CPXM2: variants seen among roughly 807,000 people sequenced by gnomAD.
The protein encoded by CPXM2 is carboxypeptidase X, M14 family member 2.
CPXM2 carries 66 observed loss-of-function variants against 86.1 expected under a neutral mutation model. The ratio of observed to expected loss-of-function variants is 0.77; its 90% CI spans 0.63 to 0.94. CPXM2 has a LOEUF of 0.94. CPXM2 is among the 40% of genes least tolerant of loss of function. The pLI is 0.00. For synonymous variants in CPXM2, 388 were observed against 400.2 expected, an observed-to-expected ratio of 0.97 and a Z score of 0.36; for missense variants, 948 against 1,026.3, an observed-to-expected ratio of 0.92 and a Z score of 1.04.
chr10:123,830,890 G>C (rs1395728513), intron 4 of CPXM2, among the ~76,000 whole-genome samples: 58 of 151,788 alleles, frequency 3.8e-4, no homozygotes, highest in East Asian at 2.9e-3. Context: ...GTGTGTGTGT[G>C]TGTGTGTGTG....
chr10:123,869,301 T>A (rs532923152), intron 2 of CPXM2, among the ~76,000 whole-genome samples: 19 of 152,330 alleles, frequency 1.2e-4, no homozygotes, highest in South Asian at 8.3e-4. Context: ...CAGTGACTCT[T>A]GAGCCAATTT....
intron 2 of CPXM2, among the ~76,000 whole-genome samples, chr10:123,927,787 C>A (rs1353095483): frequency 6.6e-6 from 1 of 152,194 alleles, no homozygotes; most frequent in Non-Finnish European, 1.5e-5. Context: ...AAATGGGTCA[C>A]GTTCATAATT....
chr10:123,752,634 G>T, intron 13 of CPXM2: 1 of 984,992 alleles, frequency 1.0e-6, no homozygotes. Context: ...ACAGGATCAT[G>T]GGAACAGTTT....
intron 6 of CPXM2, among the ~76,000 whole-genome samples, chr10:123,786,424 C>A (rs539691407): frequency 3.0e-4 from 45 of 152,302 alleles, no homozygotes; most frequent in Non-Finnish European, 5.4e-4. Context: ...CCCTGAAACA[C>A]GAGGCCTAAG....
intron 2 of CPXM2, chr10:123,939,445 G>A (rs904487445): frequency 2.0e-5 from 3 of 152,188 alleles, no homozygotes; most frequent in African/African-American, 7.2e-5. Flanking sequence ...AGTTAGATGG[G>A]GCTGGATTCC....
chr10:123,862,725 TG>T lies in CPXM2; in HGVS notation c.404-3del. 6.6e-7 allele frequency: 1 copy of T among 1,508,018 alleles called. No homozygotes were observed. Among genetic ancestry groups the T allele is most frequent in the Non-Finnish European group, 8.8e-7 (1 of 1,136,948 alleles). The allele number at this position is 1,508,018 out of a possible 1,614,324, so 93.4% of individuals were successfully genotyped here. A position where few individuals can be genotyped will look rare whatever the true frequency, so the allele number is the denominator to read the frequency against. On this transcript the variant is annotated splice_polypyrimidine_tract_variant and splice_region_variant and intron_variant, in intron 2 of 13. Transcript: ENST00000241305. The stretch of plus-strand genomic sequence containing the variant: ...TTTCCAGACCAAGAGGTGGGCAACC[TG>T]GAAAGGACAAATGCTTGTTAAAAAC...
At chr10:123,881,229 T>TCCCCCCCCCCCCCCCCCCCCCC (rs1564811040) in intron 1 of CPXM2, among the ~76,000 whole-genome samples, 4 of 89,682 alleles carry the variant, frequency 4.5e-5, no homozygotes, top group African/African-American at 5.9e-5. Flanking sequence ...TGGAGCACCC[T>TCCCCCCCCCCCCCCCCCCCCCC]TCTCTTCCCT....
In CPXM2 at chr10:123,891,591, G is replaced by C; in HGVS notation, c.69C>G (p.Val23=). 3 of 1,530,508 alleles carry C rather than the reference G, an allele frequency of 2.0e-6. No homozygotes were observed. Among genetic ancestry groups the C allele is most frequent in the Non-Finnish European group, 1.8e-6 (2 of 1,137,706 alleles). 94.8% of individuals were successfully genotyped at this position (1,530,508 alleles called of 1,614,324 possible). A position where few individuals can be genotyped will look rare whatever the true frequency, so the allele number is the denominator to read the frequency against. ...LVLLAVTLAG[V]GAQGAALEDP... is the part of the protein sequence containing the mutation. The stretch of plus-strand genomic sequence containing the variant: ...CCTCGAGGGCTGCGCCCTGGGCTCC[G>C]ACCCCGGCCAGGGTCACTGCCAGGA... Residue 23 remains valine, a synonymous_variant, in exon 1 of 14, where the codon GTC becomes GTG. Transcript: ENST00000241305. This position sits in a 1 kb window ranked among gnomAD's most constrained non-coding sequence, Gnocchi z 5.6.
At chr10:123,764,464 C>CT (rs1198023384) in intron 10 of CPXM2, among the ~76,000 whole-genome samples, 1 of 151,838 alleles carries the variant, frequency 6.6e-6, no homozygotes, top group Non-Finnish European at 1.5e-5. Flanking sequence ...TTGATTTTTG[C>CT]CCTTGCTTTT....
intron 3 of CPXM2, among the ~76,000 whole-genome samples, chr10:123,859,114 G>C (rs891386672): frequency 6.6e-6 from 1 of 152,156 alleles, no homozygotes; most frequent in African/African-American, 2.4e-5. Flanking sequence ...GTCCTAGGCC[G>C]GCACAGCGCT....
intron 4 of CPXM2, among the ~76,000 whole-genome samples, chr10:123,840,484 T>C (rs1453870476): frequency 1.3e-5 from 2 of 152,204 alleles, no homozygotes; most frequent in African/African-American, 4.8e-5. Context: ...TTTCTCACAA[T>C]ATGATATATG....
upstream of CPXM2, among the ~76,000 whole-genome samples, chr10:123,893,182 G>T (rs551465700): frequency 6.7e-5 from 10 of 149,478 alleles, no homozygotes; most frequent in South Asian, 2.1e-3. Flanking sequence ...GGAACCCATG[G>T]AGTGCGCTAC....
At chr10:123,763,863 A>G (rs1171085381) in intron 10 of CPXM2, among the ~76,000 whole-genome samples, 2 of 152,268 alleles carry the variant, frequency 1.3e-5, no homozygotes, top group Middle Eastern at 3.5e-3. Context: ...TTGCAGAGGC[A>G]TACGATATAG....
intron 2 of CPXM2, among the ~76,000 whole-genome samples, chr10:123,918,863 C>G (rs1160851631): frequency 2.0e-5 from 3 of 152,116 alleles, no homozygotes; most frequent in African/African-American, 7.2e-5. Flanking sequence ...CGTCTGTTAT[C>G]TCCTCTTTCT....
intron 4 of CPXM2, among the ~76,000 whole-genome samples, chr10:123,813,477 T>G (rs1425839981): frequency 6.6e-6 from 1 of 152,168 alleles, no homozygotes; most frequent in Non-Finnish European, 1.5e-5. Flanking sequence ...TCAGATCAAT[T>G]GCCAACCTTT....
intron 2 of CPXM2, among the ~76,000 whole-genome samples, chr10:123,923,655 G>A (rs557716397): frequency 2.0e-5 from 3 of 152,140 alleles, no homozygotes; most frequent in Non-Finnish European, 2.9e-5. Flanking sequence ...ATAAGGTTTG[G>A]CTGTATCCCC....
intron 6 of CPXM2, among the ~76,000 whole-genome samples, chr10:123,795,241 A>T (rs544697880): frequency 4.6e-5 from 7 of 152,100 alleles, no homozygotes; most frequent in African/African-American, 1.7e-4. Flanking sequence ...CTCAACAACA[A>T]CTCTCCATTT....
At chr10:123,932,393 CTT>C (rs1945673389) in intron 2 of CPXM2, among the ~76,000 whole-genome samples, 1 of 152,224 alleles carries the variant, frequency 6.6e-6, no homozygotes, top group African/African-American at 2.4e-5. Context: ...ATAGGACACT[CTT>C]GACCAGTGGG....
At position 123,859,029 on chromosome 10, in the gene CPXM2, C is replaced by T. The variant is rs961496978; in HGVS notation, c.513+3585G>A. On this transcript the variant is annotated intron_variant, in intron 3 of 13. Transcript: ENST00000241305. ...GAGGCCACATGGCTGGTCAGCAGAGCGACCAGCACCAGCATCCCAGCCTGT... is the reference window on the plus strand; with the variant it reads ...GAGGCCACATGGCTGGTCAGCAGAGTGACCAGCACCAGCATCCCAGCCTGT... Among the ~76,000 whole-genome samples the T allele has an allele frequency of 5.3e-5, 8 of 152,276 alleles. No homozygotes were observed. In the East Asian group the frequency reaches 1.2e-3, roughly 22 times the overall value.
Sources: allele counts gnomAD v4.1 joint callset (sites outside exome capture counted in the v4.1 genomes callset), GRCh38; gene constraint gnomAD v4.1.1; non-coding constraint Gnocchi (gnomAD v3.1); transcripts MANE v1.5; gene names NCBI Gene and HGNC (gene_info 2026-07-23, HGNC 2026-07-21).